Variants in DNAJA3 observed in about 807,000 individuals in gnomAD.
The protein encoded by DNAJA3 is DnaJ heat shock protein family (Hsp40) member A3, also known as dnaJ homolog subfamily A member 3, mitochondrial.
DNAJA3 carries 29 observed loss-of-function variants against 54.9 expected under a neutral mutation model. The observed-to-expected ratio is 0.53, with a 90% CI of 0.39 to 0.72. The LOEUF is 0.72. Ranked by LOEUF, DNAJA3 falls within the 30% of genes least tolerant of loss-of-function variation. The pLI, the probability that DNAJA3 is intolerant of heterozygous loss-of-function variation, is 0.00. For synonymous variants in DNAJA3, 302 were observed against 251.4 expected, an observed-to-expected ratio of 1.20 and a Z score of -1.90; for missense variants, 708 against 639.4, an observed-to-expected ratio of 1.11 and a Z score of -1.16.
intron 1 of DNAJA3, chr16:4,427,391 C>A (rs907248712): frequency 1.3e-5 from 2 of 152,176 alleles, no homozygotes; most frequent in African/African-American, 2.4e-5. Flanking sequence ...CTTCCTGTTG[C>A]AATCCAGTTT....
Position 4,441,417 on chromosome 16 carries a change from G to A in DNAJA3, c.472G>A (p.Gly158Ser), listed in dbSNP as rs774413637. The A allele has an allele frequency of 3.1e-6, 5 of 1,614,090 alleles. No individual in the cohort carries two copies. The highest frequency in any genetic ancestry group is 2.2e-5 in the South Asian group (2 of 91,078). ...GAAGAGGAAGCAGTACGATGCCTACGGCTCTGCAGGCTTCGATCCTGGGGC... is the reference window on the plus strand; with the variant it reads ...GAAGAGGAAGCAGTACGATGCCTACAGCTCTGCAGGCTTCGATCCTGGGGC... ...EVKRKQYDAY[G>S]SAGFDPGASG... is the part of the protein sequence containing the mutation. The change falls in exon 4 of 12, where the codon GGC becomes AGC. Residue 158 changes from glycine (G) to serine (S), a missense_variant. Gly to Ser is a moderately conservative substitution (Grantham distance 56, BLOSUM62 0). Transcript: ENST00000262375.
Position 4,455,527 on chromosome 16 carries a change from G to C in DNAJA3, c.*14-19G>C. 1.9e-6 allele frequency: 3 copies of C among 1,551,768 alleles called. No individual in the cohort carries two copies. Among genetic ancestry groups the C allele is most frequent in the Non-Finnish European group, 1.7e-6 (2 of 1,146,970 alleles). ...TTGAAATGTTGAGTATAAGGTAACAGCCTATCTCTTTGGCTCAGGAAAAAG... is the reference window on the plus strand; with the variant it reads ...TTGAAATGTTGAGTATAAGGTAACACCCTATCTCTTTGGCTCAGGAAAAAG... On this transcript the variant is annotated intron_variant, in intron 11 of 11. Transcript: ENST00000262375.
chr16:4,437,047 T>C (rs2056779720), intron 2 of DNAJA3, among the ~76,000 whole-genome samples: 1 of 152,218 alleles, frequency 6.6e-6, no homozygotes, highest in Admixed American at 6.5e-5. Flanking sequence ...CTCTGCTCAC[T>C]GCAACCTCCA....
chr16:4,455,615 G>T lies in DNAJA3; in HGVS notation c.*83G>T, dbSNP rs1417200522. On this transcript the variant is annotated 3_prime_UTR_variant, in exon 12 of 12. Coordinates refer to ENST00000262375, the MANE Select transcript of DNAJA3 (RefSeq NM_005147.6). The stretch of plus-strand genomic sequence containing the variant: ...CAAGGGCCAGGGCACCTGGGAGACG[G>T]GAGGATTCCAGAACAGCAGCACTGA... The T allele has an allele frequency of 1.9e-6, 3 of 1,550,316 alleles. No homozygotes were observed. The highest frequency in any genetic ancestry group is 2.7e-5 in the African/African-American group (2 of 73,014).
At chr16:4,432,828 C>T (rs1229158784) in intron 1 of DNAJA3, among the ~76,000 whole-genome samples, 1 of 151,102 alleles carries the variant, frequency 6.6e-6, no homozygotes, top group East Asian at 2.0e-4. Context: ...AAGAGCGAAA[C>T]TCCGTCTCAA....
chr16:4,441,143 G>A, intron 3 of DNAJA3: 1 of 557,426 alleles, frequency 1.8e-6, no homozygotes, highest in African/African-American at 1.9e-5. Flanking sequence ...GCGACGGCGG[G>A]AGAGTTCGTG....
At chr16:4,437,916 A>G (rs1157090567) in intron 3 of DNAJA3, among the ~76,000 whole-genome samples, 2 of 151,974 alleles carry the variant, frequency 1.3e-5, no homozygotes, top group Admixed American at 6.6e-5. Context: ...TGATTGTGCC[A>G]TAGAACTATG....
At chr16:4,454,778 A>G (rs1372670869) in intron 10 of DNAJA3, 33 bp from the exon 11 acceptor site, 2 of 1,537,452 alleles carry the variant, frequency 1.3e-6, no homozygotes, top group Non-Finnish European at 1.8e-6. Context: ...GTGCAGGCCC[A>G]TGACGCCAGT....
chr16:4,451,655 G>A (rs2056979039), intron 10 of DNAJA3, among the ~76,000 whole-genome samples: 1 of 150,138 alleles, frequency 6.7e-6, no homozygotes, highest in African/African-American at 2.5e-5. Flanking sequence ...TACTCAGGAC[G>A]CTGAGGCAGG....
Position 4,425,959 on chromosome 16 carries a change from G to A in DNAJA3, c.78G>A (p.Gly26=). ...TPRLPAISGR[G]ARPPREGVVG... ...GGCTGCCGGCTATATCGGGTAGAGG[G>A]GCCCGGCCGCCCAGGGAGGGCGTGG... Residue 26 remains glycine, a synonymous_variant, in exon 1 of 12, where the codon GGG becomes GGA. Transcript: ENST00000262375. The A allele has an allele frequency of 6.3e-7, 1 of 1,574,908 alleles. No homozygotes were observed. Among genetic ancestry groups the A allele is most frequent in the South Asian group, 1.2e-5 (1 of 86,542 alleles).
chr16:4,432,505 G>A (rs1567323657), intron 1 of DNAJA3, among the ~76,000 whole-genome samples: 1 of 151,292 alleles, frequency 6.6e-6, no homozygotes, highest in Non-Finnish European at 1.5e-5. Context: ...ACCACATCCG[G>A]CTAATTTTGT....
Position 4,441,487 on chromosome 16 carries a change from A to T in DNAJA3, c.542A>T (p.Asp181Val). Residue 181 changes from aspartate to valine, a missense_variant, in exon 4 of 12, where the codon GAC (aspartate) becomes GTC (valine). Coordinates refer to ENST00000262375, the MANE Select transcript of DNAJA3 (RefSeq NM_005147.6). Reference protein sequence around the residue: ...HSYWKGGPTVDPEELFRKIFG... With the variant: ...HSYWKGGPTVVPEELFRKIFG... ...TACTGGAAGGGAGGCCCCACTGTGG[A>T]CCCCGAGGAGCTGTTCAGGAAGATC... is the stretch of plus-strand genomic sequence containing the variant. 1.9e-6 allele frequency: 3 copies of T among 1,614,054 alleles called. No homozygotes were observed. Among genetic ancestry groups the T allele is most frequent in the African/African-American group, 1.3e-5 (1 of 75,000 alleles).
intron 2 of DNAJA3, among the ~76,000 whole-genome samples, chr16:4,436,960 C>G (rs2056778773): frequency 6.6e-6 from 1 of 152,050 alleles, no homozygotes; most frequent in South Asian, 2.1e-4. Flanking sequence ...TACATTAAAA[C>G]AGATCATTAT....
At chr16:4,433,160 T>G (rs560570389) in intron 1 of DNAJA3, 1 of 152,150 alleles carries the variant, frequency 6.6e-6, no homozygotes, top group Non-Finnish European at 1.5e-5. Context: ...AAAAACCTGC[T>G]CTTCCTATCT....
chr16:4,436,916 A>C (rs931445836), intron 2 of DNAJA3, among the ~76,000 whole-genome samples: 4 of 152,160 alleles, frequency 2.6e-5, no homozygotes, highest in Non-Finnish European at 5.9e-5. Context: ...AAGATACATC[A>C]GAATCAGTTC....
At chr16:4,443,593 C>T (rs2056865061) in intron 6 of DNAJA3, among the ~76,000 whole-genome samples, 1 of 152,144 alleles carries the variant, frequency 6.6e-6, no homozygotes, top group African/African-American at 2.4e-5. Context: ...CCAAAACTCA[C>T]TTTCTGCTTT....
Position 4,425,919 on chromosome 16 carries a change from T to G in DNAJA3, c.38T>G (p.Val13Gly), listed in dbSNP as rs755522387. ...ARCSTRWLLV[V>G]VGTPRLPAIS... is the part of the protein sequence containing the mutation. ...TGCTCCACACGCTGGTTGCTGGTGG[T>G]TGTGGGGACCCCGCGGCTGCCGGCT... Residue 13 changes from valine (V) to glycine (G), a missense_variant, in exon 1 of 12, where the codon GTT becomes GGT. Coordinates refer to ENST00000262375, the MANE Select transcript of DNAJA3 (RefSeq NM_005147.6). 3 of 1,548,558 alleles carry G rather than the reference T, an allele frequency of 1.9e-6. No homozygotes were observed. The South Asian group carries it at 3.6e-5, about 18-fold the overall frequency.
chr16:4,432,923 T>C (rs2056724630), intron 1 of DNAJA3, among the ~76,000 whole-genome samples: 1 of 151,634 alleles, frequency 6.6e-6, no homozygotes, highest in African/African-American at 2.4e-5. Flanking sequence ...AGGCGGATCA[T>C]GAGGTCAGGA....
At chr16:4,451,573 A>G (rs1292412796) in intron 10 of DNAJA3, among the ~76,000 whole-genome samples, 2 of 151,912 alleles carry the variant, frequency 1.3e-5, no homozygotes, top group Non-Finnish European at 2.9e-5. Flanking sequence ...CCTGGACAGC[A>G]TGGCGAAACC....
Sources: allele counts gnomAD v4.1 joint callset (sites outside exome capture counted in the v4.1 genomes callset), GRCh38; gene constraint gnomAD v4.1.1; transcripts MANE v1.5; gene names NCBI Gene and HGNC (gene_info 2026-07-23, HGNC 2026-07-21).